EIF3K: variants seen among roughly 807,000 people sequenced by gnomAD.
EIF3K encodes the protein eIF-3 p28.
In EIF3K, 27 loss-of-function variants were observed where a neutral mutation model predicts 34.2. The ratio of observed to expected loss-of-function variants is 0.79; its 90% CI spans 0.58 to 1.09. The LOEUF (loss-of-function observed/expected upper bound fraction) is 1.09, where lower values mean the gene tolerates loss of function less well. EIF3K is among the 50% of genes least tolerant of loss of function. The pLI is 0.00. For synonymous variants in EIF3K, 105 were observed against 105.7 expected (o/e 0.99, Z 0.04); for missense variants, 232 against 275.4 (o/e 0.84, Z 1.11).
At chr19:38,619,562 G>T (rs189215224) in intron 1 of EIF3K, among the ~76,000 whole-genome samples, 52 of 152,280 alleles carry the variant, frequency 3.4e-4, no homozygotes, top group African/African-American at 1.2e-3. Context: ...AGGAGTTAGA[G>T]ACCAGCCTGG....
chr19:38,626,981 TTTTTA>T, intron 4 of EIF3K, among the ~76,000 whole-genome samples: 1 of 152,146 alleles, frequency 6.6e-6, no homozygotes, highest in African/African-American at 2.4e-5. Context: ...TTATATGTAT[TTTTTA>T]TTTTATTTTG....
intron 4 of EIF3K, chr19:38,630,763 A>ATCTCCTGGGTTCAAGCGAT (rs1397612766): frequency 5.5e-4 from 80 of 146,052 alleles, no homozygotes; most frequent in African/African-American, 2.0e-3. Context: ...CACAACCTCC[A>ATCTCCTGGGTTCAAGCGAT]TCTCCTGGGT....
chr19:38,627,675 CAAAA>C (rs950887744), intron 4 of EIF3K, among the ~76,000 whole-genome samples: 1 of 136,330 alleles, frequency 7.3e-6, no homozygotes, highest in African/African-American at 2.7e-5. Context: ...GACTCCGTCT[CAAAA>C]AAAAAAAAAA....
chr19:38,630,384 G>A (rs1456510183), intron 4 of EIF3K, among the ~76,000 whole-genome samples: 3 of 146,306 alleles, frequency 2.1e-5, no homozygotes, highest in South Asian at 2.2e-4. Flanking sequence ...TCGCGCTGTC[G>A]CCCAGGCTGG....
At chr19:38,636,340 G>A (rs556772943) in intron 7 of EIF3K, among the ~76,000 whole-genome samples, 4 of 152,250 alleles carry the variant, frequency 2.6e-5, no homozygotes, top group African/African-American at 7.2e-5. Context: ...CCATTGCTCT[G>A]TGTCCTGGGT....
At chr19:38,631,500 C>T (rs1057009568) in intron 4 of EIF3K, among the ~76,000 whole-genome samples, 8 of 152,244 alleles carry the variant, frequency 5.3e-5, no homozygotes, top group Non-Finnish European at 1.0e-4. Context: ...TTGCTGCCCG[C>T]GTGTCCCACC....
At chr19:38,619,747 A>G (rs941224207) in intron 1 of EIF3K, among the ~76,000 whole-genome samples, 1 of 152,160 alleles carries the variant, frequency 6.6e-6, no homozygotes, top group Admixed American at 6.5e-5. Flanking sequence ...TAAGTCATTC[A>G]TTCTCCACAC....
chr19:38,633,312 T>C (rs1976111048), intron 6 of EIF3K, among the ~76,000 whole-genome samples: 1 of 151,966 alleles, frequency 6.6e-6, no homozygotes, highest in Non-Finnish European at 1.5e-5. Context: ...TCTGATCAGA[T>C]GGATATTTTT....
At chr19:38,624,699 C>T (rs895243225) in intron 3 of EIF3K, among the ~76,000 whole-genome samples, 1 of 151,914 alleles carries the variant, frequency 6.6e-6, no homozygotes, top group African/African-American at 2.4e-5. Context: ...GATTGCGCCA[C>T]TGCACTCCAC....
intron 3 of EIF3K, 130 bp downstream of exon 3, chr19:38,624,327 G>C: frequency 7.1e-7 from 1 of 1,405,298 alleles, no homozygotes; most frequent in Non-Finnish European, 9.6e-7. Context: ...AGCGTGGCAA[G>C]GTGCTGGACA....
At chr19:38,632,184 C>T (rs1006777609) in intron 4 of EIF3K, 1 of 473,428 alleles carries the variant, frequency 2.1e-6, no homozygotes, top group Non-Finnish European at 3.8e-6. Context: ...GAGAGGCCAG[C>T]GTGGGCAGAT....
chr19:38,634,199 C>G (rs1444512919), intron 6 of EIF3K, among the ~76,000 whole-genome samples: 3 of 131,622 alleles, frequency 2.3e-5, no homozygotes, highest in Non-Finnish European at 3.1e-5. Flanking sequence ...TGGTTTCAAA[C>G]AATTCTCCTG....
chr19:38,631,229 A>G (rs565267253), intron 4 of EIF3K, among the ~76,000 whole-genome samples: 1 of 152,190 alleles, frequency 6.6e-6, no homozygotes, highest in Non-Finnish European at 1.5e-5. Flanking sequence ...CAAAGTATAG[A>G]GAAAGAGAAA....
At chr19:38,626,816 G>T (rs1466561693) in intron 4 of EIF3K, among the ~76,000 whole-genome samples, 1 of 151,766 alleles carries the variant, frequency 6.6e-6, no homozygotes, top group African/African-American at 2.4e-5. Context: ...TTTGTTTTTT[G>T]GTTTTTTTGA....
Position 38,624,281 on chromosome 19 carries a change from G to A in EIF3K, c.279+84G>A. 1.9e-6 allele frequency: 3 copies of A among 1,582,510 alleles called. No individual in the cohort carries two copies. The East Asian group carries it at 6.8e-5, about 36-fold the overall frequency. On this transcript the variant is annotated intron_variant, in intron 3 of 7. Transcript: ENST00000248342. ...TGAATTCCCAGGGAGATGGTCTGTGGGTGTATCCACAAACAACAAGTGCCT... is the reference window on the plus strand; with the variant it reads ...TGAATTCCCAGGGAGATGGTCTGTGAGTGTATCCACAAACAACAAGTGCCT...
chr19:38,624,319 C>A (rs932846736), intron 3 of EIF3K, 122 bp downstream of exon 3: 49 of 1,463,130 alleles, frequency 3.3e-5, no homozygotes, highest in Non-Finnish European at 4.0e-5. Context: ...TCTGGTCCAG[C>A]GTGGCAAGGT....
intron 1 of EIF3K, 54 bp from the exon 2 acceptor site, chr19:38,620,283 G>A (rs1975810248): frequency 6.6e-7 from 1 of 1,506,946 alleles, no homozygotes; most frequent in Non-Finnish European, 9.2e-7. Context: ...TCCATAAGGT[G>A]GCTGGCCTCA....
chr19:38,619,445 T>G, intron 1 of EIF3K, 118 bp downstream of exon 1: 1 of 1,131,680 alleles, frequency 8.8e-7, no homozygotes, highest in South Asian at 1.4e-5. Flanking sequence ...TTCTCTATCC[T>G]CCTGGAGGAG....
At chr19:38,631,553 A>G (rs982056497) in intron 4 of EIF3K, among the ~76,000 whole-genome samples, 3 of 152,222 alleles carry the variant, frequency 2.0e-5, no homozygotes, top group African/African-American at 4.8e-5. Flanking sequence ...TAGATGGAAC[A>G]TACAATCGGG....
Sources: gnomAD v4.1 joint callset for allele counts (sites outside exome capture counted in the v4.1 genomes callset) on GRCh38, gnomAD v4.1.1 for gene constraint, MANE v1.5 for transcripts, NCBI Gene and HGNC (gene_info 2026-07-23, HGNC 2026-07-21) for gene names.